The following SERINC3 variants were observed in gnomAD, a reference collection of about 807,000 sequenced individuals.
The protein encoded by SERINC3 is tumor differentially expressed protein 1.
SERINC3 carries 22 observed loss-of-function variants against 52.1 expected under a neutral mutation model. The ratio of observed to expected loss-of-function variants is 0.42; its 90% confidence interval spans 0.30 to 0.60. The LOEUF is 0.60. Ranked by LOEUF, SERINC3 falls within the 20% of genes least tolerant of loss-of-function variation. The pLI is 0.16. For missense variants in SERINC3, 564 were observed against 584.6 expected, an observed-to-expected ratio of 0.96 and a Z score of 0.36; for synonymous variants, 226 against 212.7, an observed-to-expected ratio of 1.06 and a Z score of -0.54.
At chr20:44,508,329 C>T (rs980430546) in intron 5 of SERINC3, among the ~76,000 whole-genome samples, 1 of 151,680 alleles carries the variant, frequency 6.6e-6, no homozygotes. Flanking sequence ...AAAAATTAGC[C>T]GGTCGTGGTG....
intron 5 of SERINC3, among the ~76,000 whole-genome samples, 198 bp from the exon 6 acceptor site, chr20:44,507,194 C>T (rs996956096): frequency 1.3e-5 from 2 of 152,146 alleles, no homozygotes; most frequent in African/African-American, 4.8e-5. Context: ...CCAAAATCCA[C>T]CAAGCAACTG....
chr20:44,504,016 A>G (rs199850603), intron 7 of SERINC3, 21 bp from the exon 8 acceptor site: 241 of 1,570,020 alleles, frequency 1.5e-4, no homozygotes, highest in Non-Finnish European at 2.0e-4. Context: ...GAAAATTTGT[A>G]TTATCCTTGG....
At chr20:44,502,585 CAAAAAAAA>C (rs1276917464) in intron 8 of SERINC3, among the ~76,000 whole-genome samples, 1 of 73,630 alleles carries the variant, frequency 1.4e-5, no homozygotes, top group African/African-American at 4.4e-5. Context: ...TTCTTCTCTT[CAAAAAAAA>C]AAAAAAAAAA....
chr20:44,515,649 G>T (rs889001254), intron 1 of SERINC3, among the ~76,000 whole-genome samples: 3 of 151,604 alleles, frequency 2.0e-5, no homozygotes, highest in Non-Finnish European at 4.4e-5. Flanking sequence ...GCCACTATAC[G>T]CTTTTTTATT....
chr20:44,509,295 T>C (rs1413980134), intron 5 of SERINC3, among the ~76,000 whole-genome samples: 1 of 152,174 alleles, frequency 6.6e-6, no homozygotes, highest in Non-Finnish European at 1.5e-5. Context: ...AGCTGTCCCA[T>C]ATGTTGAACC....
rs199540220 is a variant in SERINC3, at chr20:44,506,865, C to G, written c.745G>C (p.Val249Leu). 6.3e-7 allele frequency: 1 copy of G among 1,596,990 alleles called. No individual in the cohort carries two copies. ...TGGATCGATATAATAGAAGCCACAA[C>G]GCAAAGGATCAGGTTAATACTGATG... ...FFISINLILC[V>L]VASIISIHPK... is the part of the protein sequence containing the mutation. Residue 249 changes from valine to leucine, a missense_variant, in exon 6 of 10, where the codon GTT becomes CTT. Coordinates refer to ENST00000342374, the MANE Select transcript of SERINC3 (RefSeq NM_006811.4).
chr20:44,509,742 C>G, intron 5 of SERINC3, 149 bp downstream of exon 5: 1 of 860,136 alleles, frequency 1.2e-6, no homozygotes, highest in South Asian at 1.6e-5. Context: ...GCTGCCTAGA[C>G]TGGTCTTGAA....
intron 4 of SERINC3, among the ~76,000 whole-genome samples, chr20:44,510,820 T>C (rs1448781080): frequency 1.3e-5 from 2 of 151,938 alleles, no homozygotes; most frequent in Non-Finnish European, 1.5e-5. Flanking sequence ...AATATATATA[T>C]ATATATAGTG....
At chr20:44,509,622 G>A (rs1168455087) in intron 5 of SERINC3, among the ~76,000 whole-genome samples, 4 of 152,066 alleles carry the variant, frequency 2.6e-5, no homozygotes, top group Non-Finnish European at 5.9e-5. Flanking sequence ...TTGAACTCCT[G>A]GATTCCAGAG....
rs113272901 is a variant in SERINC3 at position 44,504,837 on chromosome 20, T to C, written c.838A>G (p.Met280Val). The part of the protein sequence containing the change: ...LQSSLITLYT[M>V]YLTWSAMSNE... ...GACATGGCTGACCAGGTGAGGTACA[T>C]AGTGTAGAGGGTGATGAGGGAGGAC... is the stretch of plus-strand genomic sequence containing the variant. The change falls in exon 7 of 10, where the codon ATG becomes GTG. Residue 280 changes from methionine to valine, a missense_variant. By Grantham distance (21) the Met-to-Val change is conservative (BLOSUM62 1). Transcript: ENST00000342374. 7.4e-6 allele frequency: 12 copies of C among 1,612,682 alleles called. No homozygotes were observed. Among genetic ancestry groups the C allele is most frequent in the Middle Eastern group, 1.6e-4 (1 of 6,076 alleles).
Position 44,498,671 on chromosome 20 carries a change from T to C in SERINC3, c.*1625A>G, listed in dbSNP as rs553957734. 1.3e-5 allele frequency: 2 copies of C among 152,360 alleles called. No individual in the cohort carries two copies. Among genetic ancestry groups the C allele is most frequent in the African/African-American group, 4.8e-5 (2 of 41,572 alleles). 9.4% of individuals were successfully genotyped at this position (152,360 alleles called of 1,614,324 possible). A position where few individuals can be genotyped will look rare whatever the true frequency, so the allele number is the denominator to read the frequency against. On this transcript the variant is annotated 3_prime_UTR_variant, in exon 10 of 10. Transcript: ENST00000342374. ...CGTCCCTACGATTCCACTTCTCTATTTCACATCTCATATGGACTGCACCTG... is the reference window on the plus strand; with the variant it reads ...CGTCCCTACGATTCCACTTCTCTATCTCACATCTCATATGGACTGCACCTG...
At position 44,498,638 on chromosome 20, in the gene SERINC3, T is replaced by C. The variant is rs2064261994; in HGVS notation, c.*1658A>G. The C allele has an allele frequency of 6.6e-6, 1 of 152,168 alleles. No homozygotes were observed. Among genetic ancestry groups the C allele is most frequent in the African/African-American group, 2.4e-5 (1 of 41,432 alleles). The allele number at this position is 152,168 out of a possible 1,614,324, so 9.4% of individuals were successfully genotyped here. Reference sequence around the variant, plus strand: ...TTGCTAAGTAGCCCTCACCTGTCAATTTCTCCCCGTCCCTACGATTCCACT... The same window carrying C: ...TTGCTAAGTAGCCCTCACCTGTCAACTTCTCCCCGTCCCTACGATTCCACT... On this transcript the variant is annotated 3_prime_UTR_variant, in exon 10 of 10. Coordinates refer to ENST00000342374, the MANE Select transcript of SERINC3 (RefSeq NM_006811.4).
chr20:44,514,685 C>A (rs1473586434), intron 1 of SERINC3, among the ~76,000 whole-genome samples: 1 of 152,144 alleles, frequency 6.6e-6, no homozygotes, highest in East Asian at 1.9e-4. Flanking sequence ...GGCATGAACC[C>A]AGGAGGCGGA....
At chr20:44,502,917 C>T (rs2064289123) in intron 8 of SERINC3, among the ~76,000 whole-genome samples, 1 of 152,150 alleles carries the variant, frequency 6.6e-6, no homozygotes, top group African/African-American at 2.4e-5. Flanking sequence ...TCTCTATACA[C>T]TAGCAATAAA....
rs2064300390 is a variant in SERINC3 at position 44,504,713 on chromosome 20, C to T, written c.874+88G>A. On this transcript the variant is annotated intron_variant, in intron 7 of 9. Coordinates refer to ENST00000342374, the MANE Select transcript of SERINC3 (RefSeq NM_006811.4). ...GTTTTGTTTGCTTGTTTCACATTTGCTCTAGCTCTAGTTTTTGTACCAACT... is the reference window on the plus strand; with the variant it reads ...GTTTTGTTTGCTTGTTTCACATTTGTTCTAGCTCTAGTTTTTGTACCAACT... The T allele has an allele frequency of 6.6e-6, 7 of 1,061,656 alleles. No homozygotes were observed. The South Asian group carries it at 8.9e-5, about 13-fold the overall frequency. The allele number at this position is 1,061,656 out of a possible 1,614,324, so 65.8% of individuals were successfully genotyped here.
At chr20:44,510,328 T>G (rs1180238174) in intron 4 of SERINC3, among the ~76,000 whole-genome samples, 2 of 152,192 alleles carry the variant, frequency 1.3e-5, no homozygotes, top group Admixed American at 6.5e-5. Flanking sequence ...GATGCCATGC[T>G]TAGGAAGTAG....
chr20:44,496,843 C>G (rs1442463785), downstream of SERINC3, among the ~76,000 whole-genome samples: 1 of 152,138 alleles, frequency 6.6e-6, no homozygotes, highest in Non-Finnish European at 1.5e-5. Flanking sequence ...TTCTCCATTC[C>G]TCACTTGGCT....
chr20:44,514,456 G>T (rs2064367338), intron 1 of SERINC3, among the ~76,000 whole-genome samples: 1 of 152,232 alleles, frequency 6.6e-6, no homozygotes, highest in South Asian at 2.1e-4. Context: ...TACCAAAGCT[G>T]ATATTACAAC....
rs563282440 is a variant in SERINC3 at position 44,506,947 on chromosome 20, G to A, written c.663C>T (p.Val221=). ...TGGTGTAATATGTATAGAGCAGCCC[G>A]ACACAGATGATTGACAGGATATAAA... ...SAFYILSIIC[V]GLLYTYYTKP... Residue 221 remains valine, a synonymous_variant, in exon 6 of 10, where the codon GTC becomes GTT. Coordinates refer to ENST00000342374, the MANE Select transcript of SERINC3 (RefSeq NM_006811.4). The A allele has an allele frequency of 2.5e-5, 41 of 1,609,234 alleles. 1 individual carries two copies. The highest frequency in any genetic ancestry group is 1.6e-4 in the African/African-American group (12 of 74,794).
Sources: allele counts gnomAD v4.1 joint callset (sites outside exome capture counted in the v4.1 genomes callset), GRCh38; gene constraint gnomAD v4.1.1; transcripts MANE v1.5; gene names NCBI Gene and HGNC (gene_info 2026-07-23, HGNC 2026-07-21).